SIPA1L3: variants seen among roughly 807,000 people sequenced by gnomAD.
SIPA1L3 encodes the protein signal induced proliferation associated 1 like 3.
SIPA1L3 carries 59 observed loss-of-function variants against 150.1 expected under a neutral mutation model. The observed-to-expected ratio is 0.39, with a 90% CI of 0.32 to 0.49. The LOEUF (loss-of-function observed/expected upper bound fraction) is 0.49, where lower values mean the gene tolerates loss of function less well. Ranked by LOEUF, SIPA1L3 falls within the 20% of genes least tolerant of loss-of-function variation. The probability of loss-of-function intolerance (pLI) is 0.86; values close to 1 mark genes in which losing one functional copy is unlikely to be tolerated. For synonymous variants in SIPA1L3, 1,070 were observed against 1,077.6 expected, an observed-to-expected ratio of 0.99 and a Z score of 0.14; for missense variants, 2,211 against 2,489.5, an observed-to-expected ratio of 0.89 and a Z score of 2.38.
intron 1 of SIPA1L3, among the ~76,000 whole-genome samples, chr19:37,993,885 A>G (rs1367271966): frequency 1.3e-5 from 2 of 152,092 alleles, no homozygotes; most frequent in Non-Finnish European, 2.9e-5. Context: ...CAGGAAAGTA[A>G]TTTCATTTTA....
chr19:38,181,926 C>T (rs1288036705), intron 15 of SIPA1L3, among the ~76,000 whole-genome samples: 4 of 150,732 alleles, frequency 2.7e-5, no homozygotes, highest in Non-Finnish European at 4.4e-5. Flanking sequence ...CCAAGGCAGG[C>T]GGATTGCTTG....
chr19:37,955,211 G>A (rs955494312), intron 1 of SIPA1L3, among the ~76,000 whole-genome samples: 1 of 151,794 alleles, frequency 6.6e-6, no homozygotes, highest in Non-Finnish European at 1.5e-5. Context: ...GACCAACATG[G>A]AGAAACCCCG....
At chr19:38,007,962 AG>A (rs1967997742) in intron 1 of SIPA1L3, among the ~76,000 whole-genome samples, 1 of 152,138 alleles carries the variant, frequency 6.6e-6, no homozygotes, top group East Asian at 1.9e-4. Flanking sequence ...CCGTGAAGGC[AG>A]GGATCTTTGT....
At position 38,106,584 on chromosome 19, in the gene SIPA1L3, G is replaced by A. The variant is rs775184768; in HGVS notation, c.2077G>A (p.Glu693Lys). ...CCTCTACACGATGTACCAGGACTAC[G>A]AGATCATGTTCCATGTCTCCACCCT... ...HSLYTMYQDY[E>K]IMFHVSTLLP... Residue 693 changes from glutamate to lysine, a missense_variant, in exon 7 of 22, where the codon GAG becomes AAG. Transcript: ENST00000222345. 7 of 1,613,952 alleles carry A rather than the reference G, an allele frequency of 4.3e-6. No individual in the cohort carries two copies. The highest frequency in any genetic ancestry group is 2.2e-5 in the South Asian group (2 of 91,084).
intron 2 of SIPA1L3, among the ~76,000 whole-genome samples, chr19:38,039,385 G>C (rs1243633098): frequency 6.7e-6 from 1 of 149,018 alleles, no homozygotes; most frequent in Non-Finnish European, 1.5e-5. Flanking sequence ...AAGTTTGCCA[G>C]CGGGGGGTGG....
intron 1 of SIPA1L3, among the ~76,000 whole-genome samples, chr19:37,967,554 A>T (rs905506490): frequency 1.3e-5 from 2 of 151,900 alleles, no homozygotes; most frequent in Admixed American, 1.3e-4. Flanking sequence ...ACCCGGCTGG[A>T]AATTTCCCCT....
chr19:37,949,657 C>G (rs1320643008), intron 1 of SIPA1L3, among the ~76,000 whole-genome samples: 1 of 149,134 alleles, frequency 6.7e-6, no homozygotes, highest in Non-Finnish European at 1.5e-5. Context: ...GAGAGAAACT[C>G]TGTCTCAAAA....
intron 16 of SIPA1L3, among the ~76,000 whole-genome samples, chr19:38,190,532 C>T (rs1335871155): frequency 3.3e-5 from 5 of 152,142 alleles, no homozygotes; most frequent in Admixed American, 2.0e-4. Flanking sequence ...TGTTAAAATC[C>T]CAAGGCTGGC....
At chr19:38,035,896 C>A (rs1032871604) in intron 2 of SIPA1L3, among the ~76,000 whole-genome samples, 2 of 152,200 alleles carry the variant, frequency 1.3e-5, no homozygotes, top group Non-Finnish European at 2.9e-5. Flanking sequence ...TGTGATTATT[C>A]ATTCACCAGA....
intron 15 of SIPA1L3, among the ~76,000 whole-genome samples, chr19:38,173,236 C>A (rs762388157): frequency 1.3e-5 from 2 of 152,258 alleles, no homozygotes; most frequent in Non-Finnish European, 2.9e-5. Context: ...AGGGATGGGT[C>A]CTGACACGCC....
intron 5 of SIPA1L3, 123 bp downstream of exon 5, chr19:38,100,273 T>A: frequency 1.3e-6 from 1 of 747,654 alleles, no homozygotes; most frequent in Non-Finnish European, 2.0e-6. Context: ...CTACTTAAGC[T>A]GGTTTCAGCA....
rs748289450 is a variant in SIPA1L3, at chr19:38,082,928, G to A, written c.1363G>A (p.Gly455Ser). 16 of 1,613,114 alleles carry A rather than the reference G, an allele frequency of 9.9e-6. No individual in the cohort carries two copies. The East Asian group carries it at 3.3e-4, about 34-fold the overall frequency. Residue 455 changes from glycine (G) to serine (S), a missense_variant, in exon 3 of 22, where the codon GGC (glycine) becomes AGC (serine). Around this residue, in one of 5 missense-constraint regions of SIPA1L3, gnomAD observed 587 missense variants for 534.5 expected, o/e 1.10. Coordinates refer to ENST00000222345, the MANE Select transcript of SIPA1L3 (RefSeq NM_015073.3). ...SRASVGSPSS[G>S]EGHLAEPALS... ...GGCTTCCGTGGGCTCCCCGAGCAGC[G>A]GCGAGGGCCACCTGGCAGAGCCCGC...
chr19:37,977,008 G>A (rs1399725855), intron 1 of SIPA1L3, among the ~76,000 whole-genome samples: 2 of 151,324 alleles, frequency 1.3e-5, no homozygotes, highest in Non-Finnish European at 2.9e-5. Context: ...CTAATTTTTT[G>A]TATGTTTTTA....
chr19:38,148,572 C>T (rs1431919739), intron 12 of SIPA1L3, among the ~76,000 whole-genome samples: 1 of 152,154 alleles, frequency 6.6e-6, no homozygotes, highest in Non-Finnish European at 1.5e-5. Context: ...CGTCATTTTG[C>T]CCAGGCATCC....
intron 1 of SIPA1L3, among the ~76,000 whole-genome samples, chr19:37,989,001 G>C (rs1967431870): frequency 6.6e-6 from 1 of 152,130 alleles, no homozygotes; most frequent in African/African-American, 2.4e-5. Flanking sequence ...AACAAAAACA[G>C]ATTCCTCTCC....
At chr19:38,008,752 G>T (rs959846664) in intron 1 of SIPA1L3, among the ~76,000 whole-genome samples, 2 of 151,786 alleles carry the variant, frequency 1.3e-5, no homozygotes, top group African/African-American at 4.8e-5. Flanking sequence ...TAGAGACAGG[G>T]TCTCCCTATG....
At chr19:37,974,737 C>G (rs1018183463) in intron 1 of SIPA1L3, among the ~76,000 whole-genome samples, 6 of 152,162 alleles carry the variant, frequency 3.9e-5, no homozygotes, top group African/African-American at 1.4e-4. Context: ...AGCCTCCCCT[C>G]CCTCTGTTCT....
chr19:38,156,018 T>A (rs1199352418), intron 13 of SIPA1L3, among the ~76,000 whole-genome samples: 1 of 151,604 alleles, frequency 6.6e-6, no homozygotes, highest in Non-Finnish European at 1.5e-5. Flanking sequence ...GAGGCAGAAG[T>A]TGCAGTAAGC....
rs775854055 is a variant in SIPA1L3, at chr19:38,141,229, G to C, written c.3189G>C (p.Thr1063=). 3.1e-6 allele frequency: 5 copies of C among 1,612,926 alleles called. No homozygotes were observed. Among genetic ancestry groups the C allele is most frequent in the Non-Finnish European group, 4.2e-6 (5 of 1,179,460 alleles). ...ACATGAATACCTCGGAGCCCAAGACGGAGCAGGAAAGCATCACTCCTGGGG... is the reference window on the plus strand; with the variant it reads ...ACATGAATACCTCGGAGCCCAAGACCGAGCAGGAAAGCATCACTCCTGGGG... The part of the protein sequence containing the change: ...TYDMNTSEPK[T]EQESITPGGR... The change falls in exon 11 of 22, where the codon ACG becomes ACC. Residue 1063 remains threonine, a synonymous_variant. Coordinates refer to ENST00000222345, the MANE Select transcript of SIPA1L3 (RefSeq NM_015073.3).
Sources: gnomAD v4.1 joint callset for allele counts (sites outside exome capture counted in the v4.1 genomes callset) on GRCh38, gnomAD v4.1.1 for gene constraint, gnomAD v4.1.1 regional missense constraint, MANE v1.5 for transcripts, NCBI Gene and HGNC (gene_info 2026-07-23, HGNC 2026-07-21) for gene names.